The following SPARCL1 variants were observed in gnomAD, a reference collection of about 807,000 sequenced individuals.
SPARCL1 encodes the protein SPARC like 1.
SPARCL1 carries 52 observed loss-of-function variants against 67.1 expected under a neutral mutation model. That is an observed-to-expected ratio of 0.78 (90% confidence interval 0.62 to 0.98). SPARCL1 has a LOEUF of 0.98. Ranked by LOEUF, SPARCL1 falls within the 50% of genes least tolerant of loss-of-function variation. The probability of loss-of-function intolerance (pLI) is 0.00; values close to 1 mark genes in which losing one functional copy is unlikely to be tolerated. For synonymous variants in SPARCL1, 226 were observed against 267.8 expected, an observed-to-expected ratio of 0.84 and a Z score of 1.52; for missense variants, 717 against 782.4, an observed-to-expected ratio of 0.92 and a Z score of 1.00.
At chr4:87,522,640 A>AACACACACAC (rs57929830) in intron 1 of SPARCL1, among the ~76,000 whole-genome samples, 328 of 131,886 alleles carry the variant, frequency 2.5e-3, no homozygotes, top group African/African-American at 7.4e-3. Context: ...ACCACCACCA[A>AACACACACAC]ACACACACAC....
intron 10 of SPARCL1, among the ~76,000 whole-genome samples, chr4:87,474,009 C>G (rs1414559063): frequency 6.6e-6 from 1 of 152,060 alleles, no homozygotes; most frequent in East Asian, 1.9e-4. Context: ...AATCAGAATC[C>G]CTAGGGGTGG....
intron 9 of SPARCL1, among the ~76,000 whole-genome samples, chr4:87,479,882 T>C (rs888985308): frequency 2.0e-4 from 30 of 152,170 alleles, no homozygotes; most frequent in African/African-American, 7.2e-4. Context: ...CCTGATTGTT[T>C]TAGATGTAGT....
At chr4:87,475,577 A>T (rs1289097745) in intron 10 of SPARCL1, among the ~76,000 whole-genome samples, 1 of 152,110 alleles carries the variant, frequency 6.6e-6, no homozygotes, top group East Asian at 1.9e-4. Context: ...ATCCTCAAAT[A>T]TGCATTTCAG....
At chr4:87,495,505 C>T (rs1416168770) in intron 2 of SPARCL1, among the ~76,000 whole-genome samples, 1 of 152,064 alleles carries the variant, frequency 6.6e-6, no homozygotes, top group African/African-American at 2.4e-5. Context: ...TAAAATTAAC[C>T]ATAGGATATA....
intron 1 of SPARCL1, among the ~76,000 whole-genome samples, chr4:87,509,990 T>A (rs1725279400): frequency 6.6e-6 from 1 of 152,206 alleles, no homozygotes; most frequent in African/African-American, 2.4e-5. Context: ...AGATCCAACC[T>A]GTACTGGTTT....
intron 1 of SPARCL1, among the ~76,000 whole-genome samples, chr4:87,523,126 T>C (rs1725892888): frequency 6.6e-6 from 1 of 152,068 alleles, no homozygotes; most frequent in South Asian, 2.1e-4. Context: ...CCAGGCGTGG[T>C]GGTGCACACC....
At chr4:87,509,468 C>T (rs1483577152) in intron 1 of SPARCL1, among the ~76,000 whole-genome samples, 3 of 152,138 alleles carry the variant, frequency 2.0e-5, no homozygotes, top group African/African-American at 7.2e-5. Context: ...AGATGACCTC[C>T]AGAGAAGGTA....
rs369100854 is a variant in SPARCL1, at chr4:87,494,940, G to T, written c.201+41C>A. 1.8e-5 allele frequency: 28 copies of T among 1,522,886 alleles called. No homozygotes were observed. The African/African-American group carries it at 3.8e-4, about 21-fold the overall frequency. 94.3% of individuals were successfully genotyped at this position (1,522,886 alleles called of 1,614,324 possible). A position where few individuals can be genotyped will look rare whatever the true frequency, so the allele number is the denominator to read the frequency against. On this transcript the variant is annotated intron_variant, in intron 3 of 10. Coordinates refer to ENST00000282470, the MANE Select transcript of SPARCL1 (RefSeq NM_004684.6). ...ATGCTTTGAAACTAAGACCTTTGGA[G>T]AATTAAAAAATTGTATTAATATAAA...
rs760134050 is a variant in SPARCL1 at position 87,491,613 on chromosome 4, C to G, written c.1291+5G>C. The G allele has an allele frequency of 6.2e-7, 1 of 1,609,916 alleles. No individual in the cohort carries two copies. Among genetic ancestry groups the G allele is most frequent in the Non-Finnish European group, 8.5e-7 (1 of 1,176,452 alleles). ...TCACAAACAGCTTGCTTCATGCATA[C>G]TCACCCACAGCATGCACCCTCATGT... On this transcript the variant is annotated splice_donor_5th_base_variant and intron_variant, in intron 5 of 10. Coordinates refer to ENST00000282470, the MANE Select transcript of SPARCL1 (RefSeq NM_004684.6).
rs951942942 is a variant in SPARCL1 at position 87,491,651 on chromosome 4, A to T, written c.1258T>A (p.Ser420Thr). The T allele has an allele frequency of 3.7e-6, 6 of 1,613,762 alleles. No homozygotes were observed. The highest frequency in any genetic ancestry group is 5.1e-6 in the Non-Finnish European group (6 of 1,179,854). ...TGCACCCTCATGTTGCCTTCACTTG[A>T]CGTTTCCTCCTCATTTGATGAGTTC... Reference protein sequence around the residue: ...AENSSNEEETSSEGNMRVHAV... With the variant: ...AENSSNEEETTSEGNMRVHAV... Residue 420 changes from serine to threonine, a missense_variant, in exon 5 of 11, where the codon TCA (serine) becomes ACA (threonine). Physicochemically the swap from Ser to Thr is moderately conservative, Grantham distance 58. Coordinates refer to ENST00000282470, the MANE Select transcript of SPARCL1 (RefSeq NM_004684.6).
At position 87,499,547 on chromosome 4, in the gene SPARCL1, G is replaced by A. The variant is rs1271516855; in HGVS notation, c.28C>T (p.Leu10Phe). The A allele has an allele frequency of 1.3e-6, 2 of 1,594,816 alleles. No homozygotes were observed. Among genetic ancestry groups the A allele is most frequent in the East Asian group, 2.2e-5 (1 of 44,522 alleles). ...GGGATTGCAGCTGCAGTTCCCAAGA[G>A]ACATAGGAAAAAAAGCCCAGTCTTC... Reference protein sequence around the residue: MKTGLFFLCLLGTAAAIPTN... With the variant: MKTGLFFLCFLGTAAAIPTN... Residue 10 changes from leucine (L) to phenylalanine (F), a missense_variant, in exon 2 of 11, where the codon CTC becomes TTC. Leu to Phe is a conservative substitution (Grantham distance 22). Coordinates refer to ENST00000282470, the MANE Select transcript of SPARCL1 (RefSeq NM_004684.6).
intron 7 of SPARCL1, among the ~76,000 whole-genome samples, chr4:87,488,691 C>T (rs1824631): frequency 0.26 from 40,203 of 151,976 alleles, 5,680 homozygotes; most frequent in South Asian, 0.48. Context: ...TGCCCACAGC[C>T]GCCCCTTCCC....
chr4:87,514,644 A>G (rs906813949), intron 1 of SPARCL1, among the ~76,000 whole-genome samples: 1 of 152,180 alleles, frequency 6.6e-6, no homozygotes, highest in Admixed American at 6.5e-5. Context: ...ATTGTGTTCC[A>G]CGTTGTCCTT....
intron 1 of SPARCL1, among the ~76,000 whole-genome samples, chr4:87,512,553 T>A (rs1442447017): frequency 1.3e-5 from 2 of 152,044 alleles, no homozygotes; most frequent in Non-Finnish European, 2.9e-5. Context: ...CCCAGACTAT[T>A]GAATGATGAG....
intron 1 of SPARCL1, among the ~76,000 whole-genome samples, chr4:87,502,967 A>G (rs560773250): frequency 4.6e-5 from 7 of 152,346 alleles, no homozygotes; most frequent in African/African-American, 1.7e-4. Context: ...TTGAGAAGCA[A>G]ATATAAACCT....
At chr4:87,478,809 CAT>C (rs1723687070) in intron 10 of SPARCL1, among the ~76,000 whole-genome samples, 1 of 152,086 alleles carries the variant, frequency 6.6e-6, no homozygotes, top group South Asian at 2.1e-4. Context: ...GAAAAGGAAA[CAT>C]ATTAAGACAT....
At chr4:87,482,381 C>T (rs764331778) in intron 8 of SPARCL1, 43 bp downstream of exon 8, 2 of 1,603,182 alleles carry the variant, frequency 1.2e-6, no homozygotes, top group East Asian at 4.5e-5. Flanking sequence ...TTCCTCATGC[C>T]CTGTAGACAG....
At chr4:87,489,440 A>G (rs1724216499) in intron 7 of SPARCL1, among the ~76,000 whole-genome samples, 1 of 152,102 alleles carries the variant, frequency 6.6e-6, no homozygotes, top group Admixed American at 6.5e-5. Context: ...ACCAGTCCCA[A>G]TGAGCTGGGT....
At chr4:87,491,297 A>G (rs2110225195) in intron 5 of SPARCL1, among the ~76,000 whole-genome samples, 1 of 152,336 alleles carries the variant, frequency 6.6e-6, no homozygotes, top group South Asian at 2.1e-4. Flanking sequence ...TATGGGATAT[A>G]AATTCATCAG....
Sources: allele counts gnomAD v4.1 joint callset (sites outside exome capture counted in the v4.1 genomes callset), GRCh38; gene constraint gnomAD v4.1.1; transcripts MANE v1.5; gene names NCBI Gene and HGNC (gene_info 2026-07-23, HGNC 2026-07-21).